The following ZNRF3 variants were observed in gnomAD, a reference collection of about 807,000 sequenced individuals.
ZNRF3 encodes the protein E3 ubiquitin-protein ligase ZNRF3.
ZNRF3 carries 23 observed loss-of-function variants against 72.5 expected under a neutral mutation model. The ratio of observed to expected loss-of-function variants is 0.32; its 90% confidence interval spans 0.23 to 0.45. The LOEUF (loss-of-function observed/expected upper bound fraction) is 0.45. ZNRF3 is among the 20% of genes least tolerant of loss of function. The pLI, the probability that ZNRF3 is intolerant of heterozygous loss-of-function variation, is 1.00. For missense variants in ZNRF3, 1,169 were observed against 1,272.1 expected, an observed-to-expected ratio of 0.92 and a Z score of 1.23; for synonymous variants, 610 against 545.3, an observed-to-expected ratio of 1.12 and a Z score of -1.65.
chr22:28,895,286 T>C (rs1047552443), intron 1 of ZNRF3, among the ~76,000 whole-genome samples: 1 of 152,214 alleles, frequency 6.6e-6, no homozygotes, highest in Admixed American at 6.5e-5. Flanking sequence ...TCTGGAGCCA[T>C]TGGCCTGTGC....
At chr22:28,961,433 C>G (rs2035357330) in intron 1 of ZNRF3, among the ~76,000 whole-genome samples, 1 of 152,146 alleles carries the variant, frequency 6.6e-6, no homozygotes, top group Non-Finnish European at 1.5e-5. Context: ...GGACAGTATT[C>G]AGAGGAAACA....
At chr22:28,961,649 T>G (rs1252452864) in intron 1 of ZNRF3, among the ~76,000 whole-genome samples, 1 of 152,234 alleles carries the variant, frequency 6.6e-6, no homozygotes, top group East Asian at 1.9e-4. Context: ...TACCTTTTCC[T>G]TCCAACAACT....
intron 2 of ZNRF3, among the ~76,000 whole-genome samples, chr22:29,016,228 C>G (rs531678613): frequency 2.8e-4 from 42 of 152,278 alleles, no homozygotes; most frequent in South Asian, 1.2e-3. Context: ...AACGAAGTGT[C>G]CACTCAGCCC....
chr22:28,956,783 C>T (rs1244214054), intron 1 of ZNRF3, among the ~76,000 whole-genome samples: 2 of 152,180 alleles, frequency 1.3e-5, no homozygotes, highest in African/African-American at 2.4e-5. Context: ...GCTTCCTGTC[C>T]AGGAGGGGCT....
intron 1 of ZNRF3, among the ~76,000 whole-genome samples, chr22:28,901,990 G>A (rs1230782973): frequency 1.4e-5 from 2 of 145,362 alleles, no homozygotes; most frequent in African/African-American, 5.2e-5. Flanking sequence ...AGGCTGGAGT[G>A]CAGTGGCATG....
intron 1 of ZNRF3, among the ~76,000 whole-genome samples, chr22:28,925,634 T>C (rs530415942): frequency 6.6e-6 from 1 of 152,264 alleles, no homozygotes; most frequent in African/African-American, 2.4e-5. Context: ...ACCCACTATC[T>C]ATATTCCACC....
At chr22:28,953,531 A>G (rs2035203423) in intron 1 of ZNRF3, among the ~76,000 whole-genome samples, 1 of 152,194 alleles carries the variant, frequency 6.6e-6, no homozygotes, top group African/African-American at 2.4e-5. Flanking sequence ...CTTGTCCTTC[A>G]GTTGACTCTG....
intron 2 of ZNRF3, among the ~76,000 whole-genome samples, chr22:29,029,803 C>T (rs1385382403): frequency 6.6e-6 from 1 of 152,164 alleles, no homozygotes; most frequent in Non-Finnish European, 1.5e-5. Flanking sequence ...GAGAGCCTGC[C>T]CGCCGCCTCT....
intron 2 of ZNRF3, among the ~76,000 whole-genome samples, chr22:29,004,941 C>T (rs1199616285): frequency 6.6e-6 from 1 of 152,236 alleles, no homozygotes; most frequent in Non-Finnish European, 1.5e-5. Flanking sequence ...CTTCATTGGC[C>T]GGATTTTCCT....
At chr22:28,969,787 GGAGTGGAA>G (rs2035537168) in intron 1 of ZNRF3, among the ~76,000 whole-genome samples, 1 of 152,170 alleles carries the variant, frequency 6.6e-6, no homozygotes. Flanking sequence ...GCAGTGTCAG[GGAGTGGAA>G]GAGTTGAGGG....
chr22:28,899,289 G>T (rs952589969), intron 1 of ZNRF3, among the ~76,000 whole-genome samples: 2 of 152,168 alleles, frequency 1.3e-5, no homozygotes, highest in African/African-American at 2.4e-5. Flanking sequence ...GTTTAAATTT[G>T]CAGTCTCAAC....
chr22:28,943,698 G>A (rs954933226), intron 1 of ZNRF3, among the ~76,000 whole-genome samples: 1 of 151,978 alleles, frequency 6.6e-6, no homozygotes, highest in African/African-American at 2.4e-5. Context: ...GGTGCCATTT[G>A]TTCCTCTTTA....
chr22:29,015,931 G>T (rs779058896), intron 2 of ZNRF3, among the ~76,000 whole-genome samples: 5 of 148,490 alleles, frequency 3.4e-5, no homozygotes, highest in Non-Finnish European at 5.9e-5. Flanking sequence ...AAGGAGAATC[G>T]CTTGAACCCA....
At position 28,937,197 on chromosome 22, in the gene ZNRF3, ATATATATATATATATATATTTTTTTTT is replaced by A. The variant is rs1441605833; in HGVS notation, c.301-49877_301-49851del. 2.8e-3 allele frequency among the ~76,000 whole-genome samples: 132 copies of A among 47,016 alleles called. 6 individuals are homozygous for A. In the South Asian group the frequency reaches 0.038, roughly 13 times the overall value. The allele number at this position is 47,016 out of a possible 152,430, so 30.8% of individuals were successfully genotyped here. The stretch of plus-strand genomic sequence containing the variant: ...ATAATATATATATATATATATATAT[ATATATATATATATATATATTTTTTTTT>A]TTTTTTTTTTTTTTAACAAAAGGAA... On this transcript the variant is annotated intron_variant, in intron 1 of 8. Transcript: ENST00000544604.
intron 1 of ZNRF3, among the ~76,000 whole-genome samples, chr22:28,942,831 CCTCTT>C (rs1272420267): frequency 2.6e-5 from 4 of 152,154 alleles, no homozygotes; most frequent in Admixed American, 2.6e-4. Context: ...TGATAAGTCT[CCTCTT>C]CTGTGTGATT....
At chr22:28,912,670 T>C (rs889593639) in intron 1 of ZNRF3, among the ~76,000 whole-genome samples, 3 of 149,934 alleles carry the variant, frequency 2.0e-5, no homozygotes, top group Admixed American at 6.6e-5. Context: ...TTCTTTTTTT[T>C]TTTTTTTTTT....
intron 1 of ZNRF3, among the ~76,000 whole-genome samples, chr22:28,965,942 A>G (rs2035451413): frequency 6.6e-6 from 1 of 152,236 alleles, no homozygotes; most frequent in African/African-American, 2.4e-5. Context: ...ACTATTTTTC[A>G]GGCTAGTATT....
chr22:29,047,356 ACT>A (rs1468658024), intron 6 of ZNRF3, among the ~76,000 whole-genome samples: 1 of 151,882 alleles, frequency 6.6e-6, no homozygotes, highest in African/African-American at 2.4e-5. Context: ...ACATTTGCTC[ACT>A]CTCCCTCTCT....
intron 1 of ZNRF3, among the ~76,000 whole-genome samples, chr22:28,975,322 T>C (rs1409448423): frequency 6.6e-6 from 1 of 151,764 alleles, no homozygotes; most frequent in Non-Finnish European, 1.5e-5. Flanking sequence ...GCCAATATGG[T>C]GAAACCCTAT....
Sources: gnomAD v4.1 joint callset for allele counts (sites outside exome capture counted in the v4.1 genomes callset) on GRCh38, gnomAD v4.1.1 for gene constraint, MANE v1.5 for transcripts, NCBI Gene and HGNC (gene_info 2026-07-23, HGNC 2026-07-21) for gene names.